The following ASAH1 variants were observed in gnomAD, a reference collection of about 807,000 sequenced individuals.
The protein encoded by ASAH1 is acid ceramidase.
ASAH1 carries 70 observed loss-of-function variants against 59.5 expected under a neutral mutation model. The ratio of observed to expected loss-of-function variants is 1.18; its 90% CI spans 0.97 to 1.43. ASAH1 has a LOEUF of 1.43. Among genes scored for constraint, ASAH1 ranks in the 40% most tolerant of loss-of-function variants. The pLI is 0.00. For synonymous variants in ASAH1, 213 were observed against 166.5 expected, an observed-to-expected ratio of 1.28 and a Z score of -2.15; for missense variants, 660 against 482.5, an observed-to-expected ratio of 1.37 and a Z score of -3.45.
intron 7 of ASAH1, 151 bp from the exon 8 acceptor site, chr8:18,062,574 C>T: frequency 5.9e-6 from 5 of 841,936 alleles, no homozygotes; most frequent in Non-Finnish European, 9.4e-6. Context: ...TATATTTATT[C>T]TGTTTTCCAA....
chr8:18,070,153 G>C (rs1273186818), intron 3 of ASAH1, among the ~76,000 whole-genome samples: 1 of 122,434 alleles, frequency 8.2e-6, no homozygotes, highest in East Asian at 2.3e-4. Flanking sequence ...GCTAATTTTT[G>C]TATTTTTTTT....
Position 18,059,348 on chromosome 8 carries a change from C to G in ASAH1, c.1034G>C (p.Ser345Thr), listed in dbSNP as rs750036716. 6.2e-7 allele frequency: 1 copy of G among 1,614,212 alleles called. No homozygotes were observed. Among genetic ancestry groups the G allele is most frequent in the East Asian group, 2.2e-5 (1 of 44,888 alleles). The change falls in exon 12 of 14, where the codon AGC (serine) becomes ACC (threonine). Residue 345 changes from serine (S) to threonine (T), a missense_variant. Ser to Thr is a moderately conservative substitution (Grantham distance 58, BLOSUM62 1). Transcript: ENST00000637790. ...TPAKMCLNRT[S>T]QENISFETMY... Reference sequence around the variant, plus strand: ...ATGACCCTGCAAAGGTACCTCTTGGCTGGTGCGGTTCAGACACATCTTTGC... The same window carrying G: ...ATGACCCTGCAAAGGTACCTCTTGGGTGGTGCGGTTCAGACACATCTTTGC...
intron 1 of ASAH1, 186 bp downstream of exon 1, chr8:18,083,795 T>A: frequency 8.3e-7 from 1 of 1,211,814 alleles, no homozygotes; most frequent in Non-Finnish European, 1.1e-6. Flanking sequence ...TAGCACCGAA[T>A]CTACCGAGGA....
In ASAH1 at chr8:18,061,750, A is replaced by G. The variant is rs780339333; in HGVS notation, c.649-10T>C. The G allele has an allele frequency of 6.4e-7, 1 of 1,565,254 alleles. No individual in the cohort carries two copies. Among genetic ancestry groups the G allele is most frequent in the Non-Finnish European group, 8.7e-7 (1 of 1,153,418 alleles). On this transcript the variant is annotated splice_polypyrimidine_tract_variant and intron_variant, in intron 8 of 13. Coordinates refer to ENST00000637790, the MANE Select transcript of ASAH1 (RefSeq NM_177924.5). ...TAAGACTGAACAGTCCCTGAGAAAA[A>G]GACAAAGCAACGAAGTCAGAAACAT...
At chr8:18,060,234 C>G (rs1799633795) in intron 10 of ASAH1, 1 of 157,736 alleles carries the variant, frequency 6.3e-6, no homozygotes, top group Admixed American at 6.2e-5. Flanking sequence ...ACAAGCGATA[C>G]TCTTGCCTTC....
At chr8:18,063,741 C>T (rs1476421851) in intron 6 of ASAH1, 1 of 156,600 alleles carries the variant, frequency 6.4e-6, no homozygotes, top group African/African-American at 2.4e-5. Context: ...CAGATAACCC[C>T]ACAAAATCTG....
intron 1 of ASAH1, chr8:18,075,851 C>T (rs564839823): frequency 1.9e-4 from 96 of 498,476 alleles, no homozygotes; most frequent in African/African-American, 1.6e-3. Flanking sequence ...TATTGAGTAA[C>T]GAACAAATGT....
intron 4 of ASAH1, chr8:18,068,608 T>G (rs1800030984): frequency 1.3e-5 from 2 of 152,212 alleles, no homozygotes; most frequent in Admixed American, 6.5e-5. Context: ...ACATTTTTGG[T>G]TGTCACAACT....
At chr8:18,070,384 G>A (rs866184957) in intron 3 of ASAH1, among the ~76,000 whole-genome samples, 3 of 151,898 alleles carry the variant, frequency 2.0e-5, no homozygotes, top group Middle Eastern at 6.8e-3. Flanking sequence ...TCCTGACCTC[G>A]TGATCCACCC....
intron 2 of ASAH1, among the ~76,000 whole-genome samples, chr8:18,072,459 G>T (rs1197131685): frequency 6.6e-6 from 1 of 152,114 alleles, no homozygotes; most frequent in African/African-American, 2.4e-5. Context: ...TATGTATGAG[G>T]TTTTATGAAA....
chr8:18,070,527 G>A (rs1054302415), intron 3 of ASAH1, among the ~76,000 whole-genome samples: 18 of 151,216 alleles, frequency 1.2e-4, no homozygotes, highest in Non-Finnish European at 2.2e-4. Flanking sequence ...CAGGTGATCC[G>A]CCTGCCTCAG....
At chr8:18,061,646 G>T (rs1198350367) in intron 9 of ASAH1, 40 bp downstream of exon 9, 2 of 1,568,292 alleles carry the variant, frequency 1.3e-6, no homozygotes, top group South Asian at 1.2e-5. Context: ...TCATAAAAAA[G>T]CTCTGAGATT....
At position 18,057,518 on chromosome 8, in the gene ASAH1, T is replaced by C. The variant is rs369660352; in HGVS notation, c.*16A>G. 1.3e-6 allele frequency: 2 copies of C among 1,578,452 alleles called. No homozygotes were observed. Among genetic ancestry groups the C allele is most frequent in the Non-Finnish European group, 1.7e-6 (2 of 1,153,428 alleles). ...TTCATGTCTCAGAGGCCGCATTCTGTAGGCCAGACGTGTGCTCACCAACCT... is the reference window on the plus strand; with the variant it reads ...TTCATGTCTCAGAGGCCGCATTCTGCAGGCCAGACGTGTGCTCACCAACCT... On this transcript the variant is annotated 3_prime_UTR_variant, in exon 14 of 14. Transcript: ENST00000637790.
intron 5 of ASAH1, chr8:18,066,847 C>T (rs1033916412): frequency 1.5e-5 from 4 of 269,152 alleles, no homozygotes. Context: ...AATAGCACAC[C>T]ACCCATAATG....
chr8:18,073,327 A>T, intron 2 of ASAH1: 1 of 1,482,888 alleles, frequency 6.7e-7, no homozygotes. Context: ...ATTGGTATTC[A>T]ATCAACAGTA....
rs748322562 is a variant in ASAH1 at position 18,062,336 on chromosome 8, A to G, written c.591T>C (p.Thr197=). Reference sequence around the variant, plus strand: ...CAGCAAAGCTTGAAGCCTTGAAGACAGTTTTGTTGTTTCTTTGGAAATCCA... The same window carrying G: ...CAGCAAAGCTTGAAGCCTTGAAGACGGTTTTGTTGTTTCTTTGGAAATCCA... ...VNLDFQRNNK[T]VFKASSFAGY... is the part of the protein sequence containing the mutation. The change falls in exon 8 of 14, where the codon ACT becomes ACC. Residue 197 remains threonine, a synonymous_variant. Coordinates refer to ENST00000637790, the MANE Select transcript of ASAH1 (RefSeq NM_177924.5). The G allele has an allele frequency of 3.1e-6, 5 of 1,614,194 alleles. No homozygotes were observed. Among genetic ancestry groups the G allele is most frequent in the East Asian group, 4.5e-5 (2 of 44,882 alleles).
chr8:18,059,457 C>T lies in ASAH1; in HGVS notation c.925G>A (p.Ala309Thr). 1.2e-6 allele frequency: 2 copies of T among 1,614,202 alleles called. No homozygotes were observed. The highest frequency in any genetic ancestry group is 1.7e-6 in the Non-Finnish European group (2 of 1,180,044). ...KESLDVYELD[A>T]KQGRWYVVQT... ...ACCACATACCATCTACCCTGCTTAG[C>T]ATCGAGTCTAGATACAAAAGGAGAG... Residue 309 changes from alanine (A) to threonine (T), a missense_variant, in exon 12 of 14, where the codon GCT becomes ACT. Coordinates refer to ENST00000637790, the MANE Select transcript of ASAH1 (RefSeq NM_177924.5).
At chr8:18,079,097 C>T (rs1800535606) in intron 1 of ASAH1, among the ~76,000 whole-genome samples, 2 of 150,612 alleles carry the variant, frequency 1.3e-5, no homozygotes, top group African/African-American at 4.9e-5. Flanking sequence ...GCCAACATGG[C>T]GAAATCCCCG....
At chr8:18,069,944 T>G (rs1800092363) in intron 3 of ASAH1, 66 bp from the exon 4 acceptor site, 1 of 1,122,430 alleles carries the variant, frequency 8.9e-7, no homozygotes, top group Non-Finnish European at 1.3e-6. Context: ...CCTTTTGGCT[T>G]ACCCATATGT....
Sources: allele counts gnomAD v4.1 joint callset (sites outside exome capture counted in the v4.1 genomes callset), GRCh38; gene constraint gnomAD v4.1.1; transcripts MANE v1.5; gene names NCBI Gene and HGNC (gene_info 2026-07-23, HGNC 2026-07-21).